RALGPS1: variants seen among roughly 807,000 people sequenced by gnomAD.
RALGPS1 encodes the protein Ral GEF with PH domain and SH3 binding motif 1, also known as ras-specific guanine nucleotide-releasing factor RalGPS1.
A neutral mutation model predicts 78.8 loss-of-function variants in RALGPS1; 19 were observed. That is an observed-to-expected ratio of 0.24 (90% confidence interval 0.17 to 0.35). RALGPS1 has a LOEUF of 0.35. Among genes scored for constraint, RALGPS1 ranks in the 10% least tolerant of loss-of-function variants. The pLI is 1.00. For synonymous variants in RALGPS1, 228 were observed against 256.3 expected (o/e 0.89, Z 1.06); for missense variants, 454 against 688.3 (o/e 0.66, Z 3.81).
chr9:127,084,557 A>G (rs1350432697), intron 8 of RALGPS1, among the ~76,000 whole-genome samples: 1 of 152,170 alleles, frequency 6.6e-6, no homozygotes, highest in Non-Finnish European at 1.5e-5. Context: ...CCTGAGTCAG[A>G]CAGGAGTGCT....
intron 1 of RALGPS1, among the ~76,000 whole-genome samples, chr9:126,937,048 C>T (rs541689835): frequency 6.6e-6 from 1 of 152,186 alleles, no homozygotes; most frequent in South Asian, 2.1e-4. Flanking sequence ...ATGGGTTTCA[C>T]CATGTTGGCC....
At chr9:127,034,804 A>G (rs1358019430) in intron 5 of RALGPS1, among the ~76,000 whole-genome samples, 5 of 152,108 alleles carry the variant, frequency 3.3e-5, no homozygotes, top group Non-Finnish European at 5.9e-5. Flanking sequence ...AGCATGGTGG[A>G]TCTCGCTTCT....
intron 1 of RALGPS1, among the ~76,000 whole-genome samples, chr9:126,940,420 G>A (rs553821943): frequency 6.6e-6 from 1 of 150,722 alleles, no homozygotes. Flanking sequence ...TGTCCATTGG[G>A]CAGGTGTATG....
At chr9:126,988,466 G>A (rs1180218712) in intron 4 of RALGPS1, among the ~76,000 whole-genome samples, 3 of 152,202 alleles carry the variant, frequency 2.0e-5, no homozygotes, top group Non-Finnish European at 4.4e-5. Context: ...AAGTGCAATG[G>A]CATGATCATA....
intron 5 of RALGPS1, among the ~76,000 whole-genome samples, chr9:127,044,480 TC>T (rs1173697988): frequency 2.6e-5 from 4 of 152,196 alleles, no homozygotes; most frequent in African/African-American, 9.7e-5. Context: ...GGTCTGGAAC[TC>T]CTGACCTCAG....
intron 4 of RALGPS1, among the ~76,000 whole-genome samples, chr9:127,015,197 T>C (rs2044705833): frequency 6.6e-6 from 1 of 152,180 alleles, no homozygotes; most frequent in Admixed American, 6.5e-5. Context: ...CTGACAGCAC[T>C]GTGGTTAAGA....
intron 1 of RALGPS1, among the ~76,000 whole-genome samples, chr9:126,939,685 C>G (rs2036577090): frequency 6.6e-6 from 1 of 152,236 alleles, no homozygotes; most frequent in Non-Finnish European, 1.5e-5. Context: ...AGTTGGACTT[C>G]CAAGTCCTGT....
At chr9:127,130,021 A>T (rs1192854602) in intron 8 of RALGPS1, among the ~76,000 whole-genome samples, 2 of 152,196 alleles carry the variant, frequency 1.3e-5, no homozygotes, top group African/African-American at 4.8e-5. Context: ...GGCCTGTGGC[A>T]GGTGCCCACA....
At chr9:126,960,391 G>A (rs1006878114) in intron 1 of RALGPS1, among the ~76,000 whole-genome samples, 16 of 151,410 alleles carry the variant, frequency 1.1e-4, no homozygotes, top group Admixed American at 4.6e-4. Flanking sequence ...CTGCCACCAC[G>A]CCCGGCTAAT....
chr9:127,217,208 G>T, intron 18 of RALGPS1: 1 of 1,226,302 alleles, frequency 8.2e-7, no homozygotes, highest in East Asian at 3.2e-5. Context: ...AAGTTTTAAG[G>T]ATTTTTGTCT....
At chr9:127,166,340 C>A in intron 9 of RALGPS1, 134 bp downstream of exon 9, 2 of 1,053,880 alleles carry the variant, frequency 1.9e-6, no homozygotes, top group Non-Finnish European at 2.8e-6. Flanking sequence ...CAAACATGTA[C>A]TAGATCCTTT....
At chr9:127,101,285 G>C (rs905264795) in intron 8 of RALGPS1, among the ~76,000 whole-genome samples, 3 of 152,238 alleles carry the variant, frequency 2.0e-5, no homozygotes, top group African/African-American at 7.2e-5. Flanking sequence ...CAGGGCTCAA[G>C]AGGATCACAT....
chr9:127,193,092 C>T (rs1456535721), intron 11 of RALGPS1, among the ~76,000 whole-genome samples: 1 of 152,132 alleles, frequency 6.6e-6, no homozygotes, highest in Non-Finnish European at 1.5e-5. Flanking sequence ...CTAGAGCTTG[C>T]CTGTAGGCTG....
At chr9:127,076,515 T>G (rs2050695019) in intron 8 of RALGPS1, among the ~76,000 whole-genome samples, 1 of 152,208 alleles carries the variant, frequency 6.6e-6, no homozygotes, top group Admixed American at 6.5e-5. Context: ...CAAGCAAACC[T>G]TTCCATTTTT....
chr9:127,052,718 T>G (rs2048397235), intron 6 of RALGPS1, 129 bp from the exon 7 acceptor site: 2 of 654,324 alleles, frequency 3.1e-6, no homozygotes, highest in South Asian at 3.9e-5. Context: ...TCCTTAGAAC[T>G]ATGTTTTCCA....
chr9:127,063,614 T>A (rs2049408446), intron 7 of RALGPS1, among the ~76,000 whole-genome samples: 1 of 152,212 alleles, frequency 6.6e-6, no homozygotes, highest in Non-Finnish European at 1.5e-5. Flanking sequence ...TTTTTTAACA[T>A]GCCAATTTTG....
At chr9:127,147,066 G>A (rs891932804) in intron 8 of RALGPS1, among the ~76,000 whole-genome samples, 1 of 152,042 alleles carries the variant, frequency 6.6e-6, no homozygotes, top group Admixed American at 6.6e-5. Flanking sequence ...TTTAATAATA[G>A]CCATTCTGAC....
chr9:126,968,564 A>G (rs2039765875), intron 3 of RALGPS1, among the ~76,000 whole-genome samples: 1 of 152,178 alleles, frequency 6.6e-6, no homozygotes, highest in African/African-American at 2.4e-5. Context: ...ACTTTTCATA[A>G]CAGCTTTATA....
intron 4 of RALGPS1, among the ~76,000 whole-genome samples, chr9:126,982,631 C>T (rs1294352786): frequency 6.6e-6 from 1 of 152,034 alleles, no homozygotes; most frequent in Non-Finnish European, 1.5e-5. Flanking sequence ...CTGTGGTTGT[C>T]ACCCACCAGT....
Sources: allele counts gnomAD v4.1 joint callset (sites outside exome capture counted in the v4.1 genomes callset), GRCh38; gene constraint gnomAD v4.1.1; transcripts MANE v1.5; gene names NCBI Gene and HGNC (gene_info 2026-07-23, HGNC 2026-07-21).